JAM2: variants seen among roughly 807,000 people sequenced by gnomAD.
The protein encoded by JAM2 is junctional adhesion molecule B.
JAM2 carries 17 observed loss-of-function variants against 42.0 expected under a neutral mutation model. The observed-to-expected ratio is 0.40, with a 90% CI of 0.28 to 0.61. The LOEUF (loss-of-function observed/expected upper bound fraction) is 0.61. JAM2 is among the 20% of genes least tolerant of loss of function. The pLI is 0.37. For synonymous variants in JAM2, 118 were observed against 128.6 expected, an observed-to-expected ratio of 0.92 and a Z score of 0.56; for missense variants, 319 against 358.3, an observed-to-expected ratio of 0.89 and a Z score of 0.89.
intron 1 of JAM2, among the ~76,000 whole-genome samples, chr21:25,668,553 A>G: frequency 6.6e-6 from 1 of 152,212 alleles, no homozygotes; most frequent in East Asian, 1.9e-4. Context: ...ATTTTTCTCA[A>G]CCAGAGCAAT....
intron 1 of JAM2, among the ~76,000 whole-genome samples, chr21:25,644,506 T>A (rs2409144): frequency 0.64 from 96,820 of 152,046 alleles, 32,045 homozygotes; most frequent in Non-Finnish European, 0.74. Context: ...CCACCTCTCT[T>A]GTTCTCTCTC....
intron 1 of JAM2, among the ~76,000 whole-genome samples, chr21:25,649,603 A>G (rs1178682739): frequency 6.6e-6 from 1 of 152,192 alleles, no homozygotes; most frequent in East Asian, 1.9e-4. Flanking sequence ...TGTTAGTTGT[A>G]AAAGTTCTAC....
intron 1 of JAM2, among the ~76,000 whole-genome samples, chr21:25,649,812 T>C (rs530852815): frequency 2.6e-5 from 4 of 152,338 alleles, no homozygotes; most frequent in East Asian, 1.9e-4. Context: ...AGAGGTTTAC[T>C]TGGCTCCCAG....
intron 8 of JAM2, 116 bp downstream of exon 8, chr21:25,709,565 A>C (rs1255433542): frequency 8.1e-6 from 5 of 617,120 alleles, no homozygotes; most frequent in Non-Finnish European, 1.4e-5. Flanking sequence ...TTACTCTCAC[A>C]AGAAGTTACT....
At chr21:25,675,683 T>C (rs1007522116) in intron 1 of JAM2, among the ~76,000 whole-genome samples, 1 of 151,866 alleles carries the variant, frequency 6.6e-6, no homozygotes, top group African/African-American at 2.4e-5. Context: ...CAACCAGATC[T>C]CAGGAGAGCT....
chr21:25,642,283 C>T (rs1316912489), intron 1 of JAM2, among the ~76,000 whole-genome samples: 1 of 152,144 alleles, frequency 6.6e-6, no homozygotes, highest in Non-Finnish European at 1.5e-5. Flanking sequence ...AGCTCTTCTG[C>T]ATGGGAGATG....
intron 1 of JAM2, among the ~76,000 whole-genome samples, chr21:25,679,004 A>T (rs187821282): frequency 6.6e-6 from 1 of 152,076 alleles, no homozygotes; most frequent in Non-Finnish European, 1.5e-5. Flanking sequence ...GGATGTTACT[A>T]TGTTGCCCAG....
intron 1 of JAM2, among the ~76,000 whole-genome samples, chr21:25,640,357 G>A (rs1036221565): frequency 6.6e-6 from 1 of 152,232 alleles, no homozygotes; most frequent in Admixed American, 6.5e-5. Context: ...CAGCTGAGCC[G>A]GCGATATGCA....
rs187982827 is a variant in JAM2 at position 25,713,269 on chromosome 21, G to A, written c.864+887G>A. On this transcript the variant is annotated intron_variant, in intron 9 of 9. Coordinates refer to ENST00000480456, the MANE Select transcript of JAM2 (RefSeq NM_021219.4). ...ACATTTCAGAAATGTTTGAAAAGAC[G>A]CAGTAATTACCTAACTCAGAGGTTT... Among the ~76,000 whole-genome samples the A allele has an allele frequency of 1.1e-4, 16 of 152,262 alleles. 1 individual carries two copies. The highest frequency in any genetic ancestry group is 3.4e-4 in the African/African-American group (14 of 41,536).
Position 25,686,865 on chromosome 21 carries a change from C to A in JAM2, c.133+2917C>A, listed in dbSNP as rs60489369. Among the ~76,000 whole-genome samples, 1,215 of 152,222 alleles carry A rather than the reference C, an allele frequency of 8.0e-3. 18 individuals are homozygous for A. Among genetic ancestry groups the A allele is most frequent in the African/African-American group, 0.028 (1,145 of 41,544 alleles). On this transcript the variant is annotated intron_variant, in intron 2 of 9. Transcript: ENST00000480456. ...TCATAATGATTCTATCTATGCGATT[C>A]CTAAATGTGATTATTTTGCCACATG...
chr21:25,660,792 T>A (rs1296477209), intron 1 of JAM2, among the ~76,000 whole-genome samples: 72 of 74,914 alleles, frequency 9.6e-4, no homozygotes, highest in Admixed American at 2.9e-3. Context: ...ATTTTTTTTT[T>A]TTTTTTTTTT....
chr21:25,689,760 C>T, intron 2 of JAM2, 106 bp from the exon 3 acceptor site: 1 of 700,220 alleles, frequency 1.4e-6, no homozygotes, highest in Non-Finnish European at 2.5e-6. Context: ...ATGAATAAAA[C>T]TATAAAGGAG....
intron 1 of JAM2, among the ~76,000 whole-genome samples, chr21:25,662,060 T>C (rs1441606975): frequency 1.3e-5 from 2 of 152,206 alleles, no homozygotes; most frequent in Non-Finnish European, 2.9e-5. Context: ...GTGTCAAAAT[T>C]ACTTTTGGAT....
At chr21:25,663,513 C>T (rs908643356) in intron 1 of JAM2, among the ~76,000 whole-genome samples, 1 of 152,130 alleles carries the variant, frequency 6.6e-6, no homozygotes, top group Non-Finnish European at 1.5e-5. Context: ...AAGAAGTGAT[C>T]GATTCATGAG....
intron 1 of JAM2, among the ~76,000 whole-genome samples, chr21:25,676,310 G>GAAAAAAA (rs57407708): frequency 9.1e-5 from 11 of 121,116 alleles, no homozygotes; most frequent in South Asian, 2.6e-4. Flanking sequence ...AAAAGAAAAA[G>GAAAAAAA]AAAAAAAAAA....
At position 25,639,683 on chromosome 21, in the gene JAM2, T is replaced by TA; in HGVS notation, c.-138dup. 1 of 596,056 alleles carries TA rather than the reference T, an allele frequency of 1.7e-6. No individual in the cohort carries two copies. Among genetic ancestry groups the TA allele is most frequent in the Non-Finnish European group, 2.9e-6 (1 of 341,148 alleles). 36.9% of individuals were successfully genotyped at this position (596,056 alleles called of 1,614,324 possible). A position where few individuals can be genotyped will look rare whatever the true frequency, so the allele number is the denominator to read the frequency against. Reference sequence around the variant, plus strand: ...GGGAGGGGGAAACTGACATCCCATCTAGAGCCGTCCCTCCTCTTCCTCCCC... The same window carrying TA: ...GGGAGGGGGAAACTGACATCCCATCTAAGAGCCGTCCCTCCTCTTCCTCCCC... On this transcript the variant is annotated 5_prime_UTR_variant, in exon 1 of 10. Coordinates refer to ENST00000480456, the MANE Select transcript of JAM2 (RefSeq NM_021219.4).
At chr21:25,648,042 A>G (rs1235674738) in intron 1 of JAM2, among the ~76,000 whole-genome samples, 1 of 152,140 alleles carries the variant, frequency 6.6e-6, no homozygotes, top group African/African-American at 2.4e-5. Flanking sequence ...GAAACCCTGT[A>G]TCTACTAAAA....
intron 1 of JAM2, among the ~76,000 whole-genome samples, chr21:25,647,305 T>G (rs1239435950): frequency 2.0e-5 from 3 of 152,156 alleles, no homozygotes; most frequent in Admixed American, 6.5e-5. Flanking sequence ...AGATAGACCA[T>G]CCTTAAGTTT....
intron 8 of JAM2, chr21:25,711,311 C>A: frequency 2.5e-6 from 1 of 401,772 alleles, no homozygotes; most frequent in Non-Finnish European, 4.9e-6. Flanking sequence ...GTGAGCTCCC[C>A]AACGCCCTGT....
Sources: gnomAD v4.1 joint callset for allele counts (sites outside exome capture counted in the v4.1 genomes callset) on GRCh38, gnomAD v4.1.1 for gene constraint, MANE v1.5 for transcripts, NCBI Gene and HGNC (gene_info 2026-07-23, HGNC 2026-07-21) for gene names.